Variants in ITPR1 observed in about 807,000 individuals in gnomAD.
ITPR1 encodes the protein inositol 1,4,5-trisphosphate receptor type 1.
Under a neutral mutation model 318.4 loss-of-function variants are expected in ITPR1, and 96 were observed. The ratio of observed to expected loss-of-function variants is 0.30; its 90% CI spans 0.26 to 0.36. ITPR1 has a LOEUF of 0.36. Among genes scored for constraint, ITPR1 ranks in the 10% least tolerant of loss-of-function variants. The pLI is 1.00. For synonymous variants in ITPR1, 1,312 were observed against 1,289.9 expected, an observed-to-expected ratio of 1.02 and a Z score of -0.37; for missense variants, 2,440 against 3,460.2, an observed-to-expected ratio of 0.71 and a Z score of 7.40.
At chr3:4,583,252 T>G (rs2089537340) in intron 4 of ITPR1, among the ~76,000 whole-genome samples, 2 of 152,228 alleles carry the variant, frequency 1.3e-5, no homozygotes, top group Admixed American at 6.5e-5. Context: ...TGTGTCACTT[T>G]ATGATAATAT....
intron 16 of ITPR1, 135 bp downstream of exon 16, chr3:4,663,341 T>G: frequency 1.5e-6 from 1 of 678,466 alleles, no homozygotes; most frequent in Non-Finnish European, 2.4e-6. Flanking sequence ...AAATGGAGGT[T>G]GCAGTGAGCT....
intron 60 of ITPR1, among the ~76,000 whole-genome samples, chr3:4,819,314 G>A (rs6768409): frequency 0.024 from 3,674 of 152,274 alleles, 160 homozygotes; most frequent in African/African-American, 0.084. Context: ...ATTCTGTGCC[G>A]TCTGTACCCT....
chr3:4,769,325 T>G (rs1326459108), intron 46 of ITPR1, among the ~76,000 whole-genome samples: 2 of 152,168 alleles, frequency 1.3e-5, no homozygotes, highest in Non-Finnish European at 1.5e-5. Flanking sequence ...CCATATATAT[T>G]TGTTAAGTGT....
At chr3:4,668,614 C>T (rs192678306) in intron 18 of ITPR1, among the ~76,000 whole-genome samples, 20 of 152,244 alleles carry the variant, frequency 1.3e-4, no homozygotes, top group African/African-American at 4.1e-4. Flanking sequence ...ACTACAGGCA[C>T]GTGCCACCAC....
At position 4,774,826 on chromosome 3, in the gene ITPR1, C is replaced by T. The variant is rs75743278; in HGVS notation, c.5980-416C>T. On this transcript the variant is annotated intron_variant, in intron 46 of 61. Coordinates refer to ENST00000649015, the MANE Select transcript of ITPR1 (RefSeq NM_001378452.1). ...GTGAACTGTCCCTAGTGCTGGGCTC[C>T]GGGCATTCAGCACTCAGATCAAACC... is the stretch of plus-strand genomic sequence containing the variant. Among the ~76,000 whole-genome samples the T allele has an allele frequency of 4.8e-3, 732 of 152,274 alleles. 2 individuals are homozygous for T. Among genetic ancestry groups the T allele is most frequent in the African/African-American group, 0.017 (689 of 41,532 alleles).
intron 37 of ITPR1, 77 bp downstream of exon 37, chr3:4,706,428 C>T: frequency 7.6e-7 from 1 of 1,315,838 alleles, no homozygotes; most frequent in East Asian, 2.4e-5. Context: ...CATCCTTGAG[C>T]CACAGAGCAT....
chr3:4,702,749 A>G (rs766735624), intron 35 of ITPR1, 81 bp from the exon 36 acceptor site: 3 of 1,445,992 alleles, frequency 2.1e-6, no homozygotes, highest in South Asian at 2.5e-5. Flanking sequence ...GTTCAAGACA[A>G]TGTCTCTGTC....
At chr3:4,583,922 C>A (rs1039404949) in intron 4 of ITPR1, among the ~76,000 whole-genome samples, 9 of 152,170 alleles carry the variant, frequency 5.9e-5, no homozygotes, top group African/African-American at 1.7e-4. Flanking sequence ...ACTAGGTACT[C>A]ACAAAAGATG....
intron 16 of ITPR1, among the ~76,000 whole-genome samples, chr3:4,663,542 C>T (rs1235148401): frequency 6.6e-6 from 1 of 152,102 alleles, no homozygotes; most frequent in Non-Finnish European, 1.5e-5. Context: ...GCAAAAAGTC[C>T]AGAGAGTTCC....
In ITPR1 at chr3:4,798,545, T is replaced by C. The variant is rs76991266; in HGVS notation, c.6932-1880T>C. ...ATTCACCTTGGAAAACAGTTTGGTA[T>C]TGTCTTTTAAAGTTAAACATATCTG... On this transcript the variant is annotated intron_variant, in intron 53 of 61. Coordinates refer to ENST00000649015, the MANE Select transcript of ITPR1 (RefSeq NM_001378452.1). 4.4e-3 allele frequency among the ~76,000 whole-genome samples: 663 copies of C among 152,368 alleles called. 3 individuals are homozygous for C. Among genetic ancestry groups the C allele is most frequent in the African/African-American group, 0.016 (649 of 41,588 alleles).
intron 48 of ITPR1, 42 bp downstream of exon 48, chr3:4,777,416 G>A: frequency 7.8e-7 from 1 of 1,280,408 alleles, no homozygotes. Flanking sequence ...TTTGGAAACA[G>A]TCACTTTTGT....
At chr3:4,647,402 CTCTGAATTAAAT>C (rs1177352927) in intron 10 of ITPR1, among the ~76,000 whole-genome samples, 1 of 152,142 alleles carries the variant, frequency 6.6e-6, no homozygotes. Context: ...TTCTTCATTT[CTCTGAATTAAAT>C]ACCTAGCAGT....
intron 4 of ITPR1, among the ~76,000 whole-genome samples, chr3:4,575,536 T>C (rs1203843885): frequency 3.3e-5 from 5 of 152,188 alleles, no homozygotes; most frequent in Admixed American, 6.5e-5. Flanking sequence ...GATAACTAGA[T>C]TGATGAATGA....
rs527727480 is a variant in ITPR1 at position 4,817,057 on chromosome 3, GC to G, written c.7868-1023del. Among the ~76,000 whole-genome samples, 28 of 152,256 alleles carry G rather than the reference GC, an allele frequency of 1.8e-4. 1 individual carries two copies. The South Asian group carries it at 5.0e-3, about 27-fold the overall frequency. Reference sequence around the variant, plus strand: ...TGATGTTCAAATTGCTTCAGATGTGGCCAGTGAGAGCCCTTTCCAGCTGACT... The same window carrying G: ...TGATGTTCAAATTGCTTCAGATGTGGCAGTGAGAGCCCTTTCCAGCTGACT... On this transcript the variant is annotated intron_variant, in intron 59 of 61. Transcript: ENST00000649015.
intron 6 of ITPR1, among the ~76,000 whole-genome samples, chr3:4,641,792 C>T (rs1225492736): frequency 6.6e-6 from 1 of 152,222 alleles, no homozygotes; most frequent in Non-Finnish European, 1.5e-5. Context: ...CTAGGTCCAC[C>T]CCACTGACGG....
chr3:4,727,031 T>C, intron 41 of ITPR1, 95 bp from the exon 42 acceptor site: 2 of 1,025,808 alleles, frequency 1.9e-6, no homozygotes, highest in Non-Finnish European at 3.0e-6. Flanking sequence ...CTTGTCTATA[T>C]ATGAACTCTC....
At chr3:4,562,471 C>T (rs1023511193) in intron 4 of ITPR1, among the ~76,000 whole-genome samples, 2 of 152,090 alleles carry the variant, frequency 1.3e-5, no homozygotes, top group Non-Finnish European at 2.9e-5. Context: ...GTGAGTGAAG[C>T]AGTTGGACTA....
rs891502116 is a variant in ITPR1 at position 4,710,263 on chromosome 3, C to T, written c.4843-62C>T. On this transcript the variant is annotated intron_variant, in intron 37 of 61. Coordinates refer to ENST00000649015, the MANE Select transcript of ITPR1 (RefSeq NM_001378452.1). This position sits in a 1 kb window ranked among gnomAD's most constrained non-coding sequence, Gnocchi z 4.2. ...AGTGTTTTAGGGCAGAAATCAATGT[C>T]CTCACCCTCCTGTGGTCAGCGTCTG... The T allele has an allele frequency of 7.0e-7, 1 of 1,430,756 alleles. No homozygotes were observed. The highest frequency in any genetic ancestry group is 1.4e-5 in the African/African-American group (1 of 69,698). 88.6% of individuals were successfully genotyped at this position (1,430,756 alleles called of 1,614,324 possible). A position where few individuals can be genotyped will look rare whatever the true frequency, so the allele number is the denominator to read the frequency against.
At chr3:4,667,069 T>C (rs767786979) in intron 17 of ITPR1, among the ~76,000 whole-genome samples, 18 of 152,212 alleles carry the variant, frequency 1.2e-4, no homozygotes, top group African/African-American at 1.9e-4. Context: ...AAAACCAGCT[T>C]TGGACCTTTT....
Sources: gnomAD v4.1 joint callset for allele counts (sites outside exome capture counted in the v4.1 genomes callset) on GRCh38, gnomAD v4.1.1 for gene constraint, Gnocchi (gnomAD v3.1) non-coding constraint, MANE v1.5 for transcripts, NCBI Gene and HGNC (gene_info 2026-07-23, HGNC 2026-07-21) for gene names.